The following PDE1C variants were observed in gnomAD, a reference collection of about 807,000 sequenced individuals.
The protein encoded by PDE1C is phosphodiesterase 1C.
In PDE1C, 62 loss-of-function variants were observed where a neutral mutation model predicts 93.1. The observed-to-expected ratio is 0.67, with a 90% confidence interval of 0.54 to 0.82. The LOEUF (loss-of-function observed/expected upper bound fraction) is 0.82, where lower values mean the gene tolerates loss of function less well. Ranked by LOEUF, PDE1C falls within the 40% of genes least tolerant of loss-of-function variation. The pLI is 0.00. For synonymous variants in PDE1C, 325 were observed against 310.1 expected (o/e 1.05, Z -0.50); for missense variants, 742 against 884.6 (o/e 0.84, Z 2.04).
At chr7:32,014,755 C>T (rs1787664724) in intron 2 of PDE1C, among the ~76,000 whole-genome samples, 1 of 152,126 alleles carries the variant, frequency 6.6e-6, no homozygotes, top group African/African-American at 2.4e-5. Flanking sequence ...ATGATGGCTT[C>T]CAGTTTCATC....
chr7:31,696,996 C>T, the PDE1C span: 41 of 1,613,798 alleles, frequency 2.5e-5, no homozygotes, highest in East Asian at 2.9e-4. Context: ...TTAAAAGATA[C>T]GATGTTCAAG....
intron 2 of PDE1C, among the ~76,000 whole-genome samples, chr7:31,986,765 T>C (rs1783446007): frequency 6.6e-6 from 1 of 152,188 alleles, no homozygotes; most frequent in African/African-American, 2.4e-5. Context: ...ACTAACCCCC[T>C]TGATTTTGGA....
chr7:32,210,326 A>T (rs1283347981), intron 1 of PDE1C, among the ~76,000 whole-genome samples: 3 of 152,242 alleles, frequency 2.0e-5, no homozygotes, highest in Non-Finnish European at 4.4e-5. Flanking sequence ...CATAGCAGAC[A>T]GACATGGGTA....
At chr7:31,891,516 C>T (rs1228970962) in intron 2 of PDE1C, among the ~76,000 whole-genome samples, 1 of 152,170 alleles carries the variant, frequency 6.6e-6, no homozygotes, top group Admixed American at 6.5e-5. Flanking sequence ...ATCAGATAAT[C>T]TCCCAAGCAT....
At position 31,885,413 on chromosome 7, in the gene PDE1C, A is replaced by G. The variant is rs573230995; in HGVS notation, c.129-4553T>C. ...TGCCTTTCAGTTAAGACAGTGTGCA[A>G]TTTCATTGTGGATGAGCCATTGCAT... On this transcript the variant is annotated intron_variant, in intron 2 of 17. Coordinates refer to ENST00000396191, the MANE Select transcript of PDE1C (RefSeq NM_001191057.4). Among the ~76,000 whole-genome samples the G allele has an allele frequency of 1.4e-4, 22 of 152,270 alleles. No homozygotes were observed. The South Asian group carries it at 4.6e-3, about 32-fold the overall frequency.
intron 1 of PDE1C, among the ~76,000 whole-genome samples, chr7:32,260,542 C>G (rs1810125484): frequency 6.6e-6 from 1 of 152,166 alleles, no homozygotes; most frequent in Non-Finnish European, 1.5e-5. Context: ...TGGGTTTTCT[C>G]TGTGGAGCGA....
In PDE1C at chr7:31,958,665, T is replaced by C. The variant is rs1808487070; in HGVS notation, c.129-77805A>G. Reference sequence around the variant, plus strand: ...CTGCAAAATAATTTATTATATATCATAGTGCACCCAGACACAATTCAAAAA... The same window carrying C: ...CTGCAAAATAATTTATTATATATCACAGTGCACCCAGACACAATTCAAAAA... On this transcript the variant is annotated intron_variant, in intron 2 of 17. Coordinates refer to ENST00000396191, the MANE Select transcript of PDE1C (RefSeq NM_001191057.4). Among the ~76,000 whole-genome samples, 4 of 152,178 alleles carry C rather than the reference T, an allele frequency of 2.6e-5. No individual in the cohort carries two copies. The South Asian group carries it at 8.3e-4, about 32-fold the overall frequency.
chr7:31,858,108 A>G (rs1794243813), intron 7 of PDE1C, among the ~76,000 whole-genome samples: 2 of 152,194 alleles, frequency 1.3e-5, no homozygotes, highest in African/African-American at 4.8e-5. Context: ...ATGCATTCAG[A>G]AGGTCTAAGA....
chr7:32,179,718 C>T (rs1225714181), intron 2 of PDE1C, among the ~76,000 whole-genome samples: 1 of 152,024 alleles, frequency 6.6e-6, no homozygotes, highest in Non-Finnish European at 1.5e-5. Flanking sequence ...TGTGGTGTGC[C>T]TAAGAGTGGC....
At chr7:32,031,835 G>A (rs1027132518) in intron 2 of PDE1C, among the ~76,000 whole-genome samples, 10 of 152,202 alleles carry the variant, frequency 6.6e-5, no homozygotes, top group Non-Finnish European at 1.5e-4. Flanking sequence ...GAGCCTGGAA[G>A]TGGGAAGAGA....
chr7:31,652,012 G>A, the PDE1C span: 1 of 1,604,812 alleles, frequency 6.2e-7, no homozygotes, highest in East Asian at 2.2e-5. Context: ...ATTTCAGTTA[G>A]GAGACCGGGC....
intron 2 of PDE1C, among the ~76,000 whole-genome samples, chr7:31,904,601 G>A (rs1283837142): frequency 6.6e-6 from 1 of 150,912 alleles, no homozygotes; most frequent in Non-Finnish European, 1.5e-5. Flanking sequence ...AAATGGCTAA[G>A]AACAACTAAG....
At chr7:31,640,705 C>G in the PDE1C span, among the ~76,000 whole-genome samples, 6 of 151,476 alleles carry the variant, frequency 4.0e-5, no homozygotes, top group African/African-American at 7.3e-5. Flanking sequence ...GAGGAAAAAT[C>G]TAGTCCCTAT....
intron 16 of PDE1C, among the ~76,000 whole-genome samples, chr7:31,782,396 T>A (rs1783494435): frequency 6.6e-6 from 1 of 152,246 alleles, no homozygotes; most frequent in Non-Finnish European, 1.5e-5. Flanking sequence ...AGTTTCCTAT[T>A]ATACTGTCGA....
intron 2 of PDE1C, among the ~76,000 whole-genome samples, chr7:32,002,359 T>C (rs565353642): frequency 6.6e-5 from 10 of 152,226 alleles, no homozygotes; most frequent in Admixed American, 3.3e-4. Flanking sequence ...GGAGGCACCA[T>C]GGAGCTGGCG....
chr7:32,294,953 G>C (rs1812541520), intron 1 of PDE1C, among the ~76,000 whole-genome samples: 1 of 152,222 alleles, frequency 6.6e-6, no homozygotes, highest in Non-Finnish European at 1.5e-5. Context: ...ACTTCTGAAT[G>C]TGACATGTGT....
At chr7:31,918,116 C>G (rs1218180787) in intron 2 of PDE1C, among the ~76,000 whole-genome samples, 2 of 152,110 alleles carry the variant, frequency 1.3e-5, no homozygotes, top group African/African-American at 2.4e-5. Context: ...TCAGACAGAT[C>G]AATTAGTAGC....
chr7:32,257,022 A>G (rs1809847871), intron 1 of PDE1C, among the ~76,000 whole-genome samples: 1 of 152,188 alleles, frequency 6.6e-6, no homozygotes, highest in Non-Finnish European at 1.5e-5. Context: ...GCATTCCACA[A>G]GCATATGCCC....
chr7:31,888,313 C>T (rs1053862033), intron 2 of PDE1C, among the ~76,000 whole-genome samples: 15 of 149,276 alleles, frequency 1.0e-4, no homozygotes, highest in Non-Finnish European at 2.2e-4. Flanking sequence ...TCGTTATGCA[C>T]CTCAAGAAGT....
Sources: allele counts gnomAD v4.1 joint callset (sites outside exome capture counted in the v4.1 genomes callset), GRCh38; gene constraint gnomAD v4.1.1; transcripts MANE v1.5; gene names NCBI Gene and HGNC (gene_info 2026-07-23, HGNC 2026-07-21).